Variants in FAM171A1 observed in about 807,000 individuals in gnomAD.
FAM171A1 encodes the protein protein FAM171A1.
FAM171A1 carries 23 observed loss-of-function variants against 74.9 expected under a neutral mutation model. The ratio of observed to expected loss-of-function variants is 0.31; its 90% CI spans 0.22 to 0.44. FAM171A1 has a LOEUF of 0.44. Ranked by LOEUF, FAM171A1 falls within the 20% of genes least tolerant of loss-of-function variation. FAM171A1 has a pLI of 1.00. For missense variants in FAM171A1, 1,162 were observed against 1,159.2 expected, an observed-to-expected ratio of 1.00 and a Z score of -0.03; for synonymous variants, 527 against 505.7, an observed-to-expected ratio of 1.04 and a Z score of -0.57.
intron 1 of FAM171A1, among the ~76,000 whole-genome samples, chr10:15,352,919 T>C (rs1294754334): frequency 6.6e-6 from 1 of 152,212 alleles, no homozygotes; most frequent in Non-Finnish European, 1.5e-5. Flanking sequence ...TGTGTGCACA[T>C]GAAGTCACTG....
At position 15,284,099 on chromosome 10, in the gene FAM171A1, G is replaced by T; in HGVS notation, c.104C>A (p.Thr35Lys). 8.1e-6 allele frequency: 13 copies of T among 1,613,126 alleles called. No individual in the cohort carries two copies. Among genetic ancestry groups the T allele is most frequent in the Non-Finnish European group, 1.1e-5 (13 of 1,179,940 alleles). Residue 35 changes from threonine (T) to lysine (K), a missense_variant, in exon 2 of 8, where the codon ACG becomes AAG. Coordinates refer to ENST00000378116, the MANE Select transcript of FAM171A1 (RefSeq NM_001010924.2). ...GGCGTCGCTGATGTGCACCTTTAAC[G>T]TCACCTCTGGAGGTAGAGAAAGCAC... ...REPGAGAQEV[T>K]LKVHISDAST...
intron 1 of FAM171A1, among the ~76,000 whole-genome samples, chr10:15,285,715 A>AG (rs2131811179): frequency 6.6e-6 from 1 of 152,152 alleles, no homozygotes; most frequent in African/African-American, 2.4e-5. Flanking sequence ...CTCTGATCTG[A>AG]AAGACTTGGG....
intron 2 of FAM171A1, among the ~76,000 whole-genome samples, chr10:15,283,626 C>T (rs867674076): frequency 1.3e-5 from 2 of 152,032 alleles, no homozygotes; most frequent in Non-Finnish European, 2.9e-5. Flanking sequence ...GTTCTGTTGC[C>T]CAGGCTAGAC....
intron 1 of FAM171A1, among the ~76,000 whole-genome samples, chr10:15,311,947 G>T (rs538092708): frequency 6.6e-6 from 1 of 152,186 alleles, no homozygotes; most frequent in African/African-American, 2.4e-5. Flanking sequence ...TGTTCCTCAC[G>T]TACATTACGT....
Position 15,287,632 on chromosome 10 carries a change from C to T in FAM171A1, c.98-3527G>A, listed in dbSNP as rs532231620. On this transcript the variant is annotated intron_variant, in intron 1 of 7. Coordinates refer to ENST00000378116, the MANE Select transcript of FAM171A1 (RefSeq NM_001010924.2). Reference sequence around the variant, plus strand: ...TGATCTCTTGACCTGGTGATCTGCCCGCCTTGGCCTCCCAAAGTGCTGGGA... The same window carrying T: ...TGATCTCTTGACCTGGTGATCTGCCTGCCTTGGCCTCCCAAAGTGCTGGGA... Among the ~76,000 whole-genome samples the T allele has an allele frequency of 3.9e-4, 59 of 152,240 alleles. No homozygotes were observed. The South Asian group carries it at 9.1e-3, about 24-fold the overall frequency.
Position 15,214,393 on chromosome 10 carries a change from A to G in FAM171A1, c.1195T>C (p.Leu399=). ...GTKELMSGVH[L]EMMSPGGEGD... is the part of the protein sequence containing the mutation. ...TCGCCGCCCGGAGACATCATTTCCA[A>G]ATGGACTCCACTCATCAGTTCCTTC... The change falls in exon 8 of 8, where the codon TTG becomes CTG. Residue 399 remains leucine (L), a synonymous_variant. Transcript: ENST00000378116. 1 of 1,613,744 alleles carries G rather than the reference A, an allele frequency of 6.2e-7. No individual in the cohort carries two copies. The highest frequency in any genetic ancestry group is 8.5e-7 in the Non-Finnish European group (1 of 1,179,880).
intron 2 of FAM171A1, among the ~76,000 whole-genome samples, chr10:15,278,037 T>C (rs1834916782): frequency 6.6e-6 from 1 of 152,158 alleles, no homozygotes; most frequent in Non-Finnish European, 1.5e-5. Context: ...ATTACAGGCA[T>C]GAGCCACCGT....
rs761474858 is a variant in FAM171A1, at chr10:15,283,919, T to C, written c.284A>G (p.Tyr95Cys). The change falls in exon 2 of 8, where the codon TAC (tyrosine) becomes TGC (cysteine). Residue 95 changes from tyrosine to cysteine, a missense_variant. Physicochemically the swap from Tyr to Cys is radical, Grantham distance 194. Transcript: ENST00000378116. ...QLIVTASKHA[Y>C]VPNSAPWKPI... ...CTTCCATGGGGCAGAGTTTGGCACG[T>C]AGGCATGCTTCGAGGCGGTGACAAT... 7.3e-5 allele frequency: 118 copies of C among 1,614,028 alleles called. 1 individual carries two copies. The South Asian group carries it at 1.2e-3, about 16-fold the overall frequency.
intron 1 of FAM171A1, among the ~76,000 whole-genome samples, chr10:15,326,329 T>G (rs1319610550): frequency 6.6e-6 from 1 of 151,840 alleles, no homozygotes; most frequent in Non-Finnish European, 1.5e-5. Context: ...TTTTTTTTTG[T>G]TTTGAGACGG....
intron 1 of FAM171A1, among the ~76,000 whole-genome samples, chr10:15,290,160 A>G (rs1165108188): frequency 6.6e-6 from 1 of 151,718 alleles, no homozygotes; most frequent in Admixed American, 6.6e-5. Context: ...CCCAGGAGGC[A>G]GAGGTTGCAG....
At chr10:15,352,420 T>G (rs933835720) in intron 1 of FAM171A1, among the ~76,000 whole-genome samples, 4 of 152,096 alleles carry the variant, frequency 2.6e-5, no homozygotes, top group Non-Finnish European at 5.9e-5. Flanking sequence ...GTCTAATGAG[T>G]GCACATAAAA....
intron 3 of FAM171A1, among the ~76,000 whole-genome samples, chr10:15,264,263 T>TGA (rs1291452313): frequency 6.6e-6 from 1 of 152,196 alleles, no homozygotes; most frequent in Non-Finnish European, 1.5e-5. Flanking sequence ...ATTACAGGTG[T>TGA]GAGCCACTGT....
rs571390113 is a variant in FAM171A1, at chr10:15,212,741, G to A, written c.*174C>T. The A allele has an allele frequency of 5.4e-6, 5 of 918,662 alleles. No individual in the cohort carries two copies. The highest frequency in any genetic ancestry group is 8.1e-6 in the Non-Finnish European group (5 of 620,948). 56.9% of individuals were successfully genotyped at this position (918,662 alleles called of 1,614,324 possible). On this transcript the variant is annotated 3_prime_UTR_variant, in exon 8 of 8. Coordinates refer to ENST00000378116, the MANE Select transcript of FAM171A1 (RefSeq NM_001010924.2). ...CCGCCAAAGTCATCCTTTATTCCGA[G>A]TAATAACTTTAATTCCTTTCTAACA...
intron 3 of FAM171A1, among the ~76,000 whole-genome samples, chr10:15,255,960 T>C (rs1170247468): frequency 1.3e-5 from 2 of 152,174 alleles, no homozygotes; most frequent in Non-Finnish European, 2.9e-5. Context: ...GATGTTGTTT[T>C]GATCATAAAA....
At chr10:15,304,434 T>C (rs1835269230) in intron 1 of FAM171A1, among the ~76,000 whole-genome samples, 1 of 152,054 alleles carries the variant, frequency 6.6e-6, no homozygotes, top group African/African-American at 2.4e-5. Context: ...AGGCCACCCT[T>C]CCCTGCCCTG....
In FAM171A1 at chr10:15,214,581, C is replaced by A. The variant is rs1008533763; in HGVS notation, c.1007G>T (p.Arg336Leu). 1 of 1,602,000 alleles carries A rather than the reference C, an allele frequency of 6.2e-7. No individual in the cohort carries two copies. Among genetic ancestry groups the A allele is most frequent in the Admixed American group, 1.7e-5 (1 of 58,242 alleles). ...YYCRRKCLKP[R>L]QHHRKLQLPA... ...GAGCTGCAGTTTTCTGTGGTGCTGACGAGGTTTCAAGCACTTCCTCCTGCG... is the reference window on the plus strand; with the variant it reads ...GAGCTGCAGTTTTCTGTGGTGCTGAAGAGGTTTCAAGCACTTCCTCCTGCG... Residue 336 changes from arginine to leucine, a missense_variant, in exon 8 of 8, where the codon CGT becomes CTT. Transcript: ENST00000378116.
chr10:15,234,151 GA>G (rs988329525), intron 5 of FAM171A1, among the ~76,000 whole-genome samples: 10 of 145,146 alleles, frequency 6.9e-5, no homozygotes, highest in African/African-American at 7.6e-5. Flanking sequence ...CATTCGAAAG[GA>G]AAAAAAAAAC....
chr10:15,350,650 T>TC (rs1491499865), intron 1 of FAM171A1, among the ~76,000 whole-genome samples: 11 of 127,118 alleles, frequency 8.7e-5, no homozygotes, highest in African/African-American at 3.5e-4. Flanking sequence ...CAATTCTCTC[T>TC]TTTTTTTTTT....
chr10:15,216,807 C>T (rs1833972685), intron 6 of FAM171A1, among the ~76,000 whole-genome samples: 1 of 149,142 alleles, frequency 6.7e-6, no homozygotes, highest in African/African-American at 2.5e-5. Flanking sequence ...GAAAGATGGC[C>T]TATCTGGGAA....
Sources: gnomAD v4.1 joint callset for allele counts (sites outside exome capture counted in the v4.1 genomes callset) on GRCh38, gnomAD v4.1.1 for gene constraint, MANE v1.5 for transcripts, NCBI Gene and HGNC (gene_info 2026-07-23, HGNC 2026-07-21) for gene names.